Variants in SLC35A3 observed in about 807,000 individuals in gnomAD.
SLC35A3 encodes the protein UDP-N-acetylglucosamine transporter.
SLC35A3 carries 26 observed loss-of-function variants against 39.0 expected under a neutral mutation model. The observed-to-expected ratio is 0.67, with a 90% CI of 0.49 to 0.92. The LOEUF (loss-of-function observed/expected upper bound fraction) is 0.92, where lower values mean the gene tolerates loss of function less well. Ranked by LOEUF, SLC35A3 falls within the 40% of genes least tolerant of loss-of-function variation. The pLI is 0.00. For synonymous variants in SLC35A3, 135 were observed against 133.1 expected, an observed-to-expected ratio of 1.01 and a Z score of -0.10; for missense variants, 299 against 371.6, an observed-to-expected ratio of 0.80 and a Z score of 1.61.
intron 1 of SLC35A3, among the ~76,000 whole-genome samples, chr1:99,976,465 C>T (rs998966207): frequency 2.6e-5 from 4 of 152,132 alleles, no homozygotes; most frequent in African/African-American, 7.2e-5. Context: ...AGTTTGAAAA[C>T]CTTTGACAAC....
intron 1 of SLC35A3, among the ~76,000 whole-genome samples, chr1:99,987,355 C>A (rs1657806233): frequency 6.6e-6 from 1 of 152,166 alleles, no homozygotes; most frequent in African/African-American, 2.4e-5. Flanking sequence ...GCTTGATCCT[C>A]TATTTGTAAC....
At chr1:100,009,805 ATAAAGGTATC>A (rs1437942364) in intron 4 of SLC35A3, among the ~76,000 whole-genome samples, 2 of 152,224 alleles carry the variant, frequency 1.3e-5, no homozygotes, top group African/African-American at 4.8e-5. Context: ...TTTAATAGAT[ATAAAGGTATC>A]AAAAGGTATG....
intron 3 of SLC35A3, among the ~76,000 whole-genome samples, chr1:100,006,075 A>C (rs1659206208): frequency 6.6e-6 from 1 of 152,178 alleles, no homozygotes; most frequent in Non-Finnish European, 1.5e-5. Context: ...TGGGTGCAGT[A>C]ATATATAGTC....
intron 1 of SLC35A3, among the ~76,000 whole-genome samples, chr1:99,984,558 C>A (rs770352875): frequency 7.9e-5 from 12 of 152,166 alleles, no homozygotes; most frequent in Non-Finnish European, 1.5e-4. Context: ...GTGCAAATAT[C>A]TTTTTCATAT....
intron 4 of SLC35A3, chr1:100,007,865 G>T (rs552398924): frequency 6.6e-6 from 1 of 151,302 alleles, no homozygotes; most frequent in African/African-American, 2.4e-5. Context: ...TCTGATGGAA[G>T]GTTTTTTTAA....
At position 100,021,377 on chromosome 1, in the gene SLC35A3, A is replaced by C. The variant is rs537953268; in HGVS notation, c.888-1009A>C. ...AGACTCCATCTCAAAAAAATAAATA[A>C]ATAAAAGTTAAGATTCAGGCTGGTC... On this transcript the variant is annotated intron_variant, in intron 7 of 7. Coordinates refer to ENST00000533028, the MANE Select transcript of SLC35A3 (RefSeq NM_012243.3). 1.9e-3 allele frequency among the ~76,000 whole-genome samples: 285 copies of C among 152,130 alleles called. 5 individuals are homozygous for C. Among genetic ancestry groups the C allele is most frequent in the Admixed American group, 3.1e-3 (48 of 15,264 alleles).
intron 2 of SLC35A3, among the ~76,000 whole-genome samples, chr1:99,997,339 G>A (rs990565328): frequency 5.1e-5 from 7 of 136,540 alleles, no homozygotes; most frequent in South Asian, 2.4e-4. Context: ...CAATAATCAC[G>A]TAGACAACAG....
intron 1 of SLC35A3, chr1:99,970,524 C>T: frequency 6.5e-7 from 1 of 1,531,780 alleles, no homozygotes; most frequent in Non-Finnish European, 8.7e-7. Context: ...GTCATTCCTT[C>T]AGTGAACATC....
Position 100,028,314 on chromosome 1 carries a change from C to CTGTTT in SLC35A3, c.*5845_*5849dup, listed in dbSNP as rs58248693. ...TGGTGGGGTTTTTTGGGGTGTTTTT[C>CTGTTT]TGTTTTGTTTTTTGTTTTTTGTTTT... is the stretch of plus-strand genomic sequence containing the variant. On this transcript the variant is annotated 3_prime_UTR_variant, in exon 8 of 8. Transcript: ENST00000533028. 33,114 of 151,840 alleles carry CTGTTT rather than the reference C, an allele frequency of 0.22. 4,984 individuals carry two copies. The highest frequency in any genetic ancestry group is 0.43 in the African/African-American group (17,752 of 41,114). 9.4% of individuals were successfully genotyped at this position (151,840 alleles called of 1,614,324 possible).
chr1:100,020,950 A>C (rs1388942798), intron 7 of SLC35A3, among the ~76,000 whole-genome samples: 1 of 152,146 alleles, frequency 6.6e-6, no homozygotes, highest in Admixed American at 6.6e-5. Context: ...CCATATTATG[A>C]AGGGCCTTTT....
At chr1:99,994,881 A>G (rs1658290669) in intron 2 of SLC35A3, among the ~76,000 whole-genome samples, 1 of 152,170 alleles carries the variant, frequency 6.6e-6, no homozygotes, top group Non-Finnish European at 1.5e-5. Context: ...GAACCATCAA[A>G]CTGTTTTTCA....
chr1:100,021,648 A>T (rs1660557636), intron 7 of SLC35A3, among the ~76,000 whole-genome samples: 1 of 152,078 alleles, frequency 6.6e-6, no homozygotes, highest in Non-Finnish European at 1.5e-5. Context: ...CCAGAGCCTG[A>T]GGGACTGAGT....
rs1661087306 is a variant in SLC35A3, at chr1:100,029,165, C to T, written c.*6689C>T. The T allele has an allele frequency of 6.6e-6, 1 of 152,170 alleles. No individual in the cohort carries two copies. Among genetic ancestry groups the T allele is most frequent in the Non-Finnish European group, 1.5e-5 (1 of 68,050 alleles). The allele number at this position is 152,170 out of a possible 1,614,324, so 9.4% of individuals were successfully genotyped here. A position where few individuals can be genotyped will look rare whatever the true frequency, so the allele number is the denominator to read the frequency against. ...CTCTCTTTCCAACATCTGCCCCTCC[C>T]TGGAGATCTGGTTGACATCAAGACT... On this transcript the variant is annotated 3_prime_UTR_variant, in exon 8 of 8. Coordinates refer to ENST00000533028, the MANE Select transcript of SLC35A3 (RefSeq NM_012243.3).
chr1:100,000,026 T>G (rs1658655725), intron 3 of SLC35A3, among the ~76,000 whole-genome samples: 1 of 152,314 alleles, frequency 6.6e-6, no homozygotes, highest in Middle Eastern at 3.4e-3. Context: ...TTGTGAACAA[T>G]GCTGCAATAA....
At chr1:99,972,394 G>A (rs1656869535) in intron 1 of SLC35A3, among the ~76,000 whole-genome samples, 1 of 148,548 alleles carries the variant, frequency 6.7e-6, no homozygotes, top group Non-Finnish European at 1.5e-5. Context: ...GTGCAGTGGC[G>A]TGACCCTCTC....
At chr1:99,996,546 A>G (rs966477997) in intron 2 of SLC35A3, among the ~76,000 whole-genome samples, 3 of 152,176 alleles carry the variant, frequency 2.0e-5, no homozygotes, top group African/African-American at 7.2e-5. Flanking sequence ...AAGTCTTAAT[A>G]CCAGGAATTG....
chr1:99,981,811 A>G (rs1261224814), intron 1 of SLC35A3, among the ~76,000 whole-genome samples: 3 of 152,014 alleles, frequency 2.0e-5, no homozygotes, highest in Admixed American at 6.6e-5. Flanking sequence ...GTTTTAAAAC[A>G]TTGACTAAAC....
intron 3 of SLC35A3, among the ~76,000 whole-genome samples, chr1:100,000,946 G>A (rs1658746105): frequency 1.3e-5 from 2 of 151,746 alleles, no homozygotes; most frequent in Non-Finnish European, 1.5e-5. Flanking sequence ...TTTTCTCAGC[G>A]TCATTTATCG....
chr1:99,999,095 A>G (rs1035353278), intron 2 of SLC35A3, among the ~76,000 whole-genome samples, 166 bp from the exon 3 acceptor site: 1 of 152,142 alleles, frequency 6.6e-6, no homozygotes, highest in African/African-American at 2.4e-5. Context: ...TATAATATTT[A>G]ACATTTTAAA....
Sources: allele counts gnomAD v4.1 joint callset (sites outside exome capture counted in the v4.1 genomes callset), GRCh38; gene constraint gnomAD v4.1.1; transcripts MANE v1.5; gene names NCBI Gene and HGNC (gene_info 2026-07-23, HGNC 2026-07-21).